Variants in LARP4B observed in about 807,000 individuals in gnomAD.
The protein encoded by LARP4B is La ribonucleoprotein 4B.
LARP4B carries 12 observed loss-of-function variants against 89.8 expected under a neutral mutation model. The observed-to-expected ratio is 0.13, with a 90% CI of 0.09 to 0.22. The LOEUF is 0.22. Ranked by LOEUF, LARP4B falls within the 10% of genes least tolerant of loss-of-function variation. The probability of loss-of-function intolerance (pLI) is 1.00; values close to 1 mark genes in which losing one functional copy is unlikely to be tolerated. For missense variants in LARP4B, 757 were observed against 947.7 expected, an observed-to-expected ratio of 0.80 and a Z score of 2.64; for synonymous variants, 367 against 363.3, an observed-to-expected ratio of 1.01 and a Z score of -0.12.
At chr10:882,614 C>G (rs1474934460) in intron 3 of LARP4B, among the ~76,000 whole-genome samples, 1 of 152,162 alleles carries the variant, frequency 6.6e-6, no homozygotes, top group Non-Finnish European at 1.5e-5. Context: ...GTCTCGATCT[C>G]AGGGAAACCA....
chr10:986,393 C>T, the LARP4B span: 1 of 152,210 alleles, frequency 6.6e-6, no homozygotes, highest in African/African-American at 2.4e-5. Context: ...TTGCGACACT[C>T]CTCAGAAAAG....
At chr10:809,320 G>C (rs1467827923), downstream of LARP4B, 1 of 152,184 alleles carries the variant, frequency 6.6e-6, no homozygotes, top group African/African-American at 2.4e-5. Flanking sequence ...GGCTGTCTCC[G>C]CATGAGCATC....
intron 1 of LARP4B, among the ~76,000 whole-genome samples, chr10:909,952 T>C (rs1212210455): frequency 6.6e-6 from 1 of 152,030 alleles, no homozygotes; most frequent in East Asian, 1.9e-4. Context: ...CAATAGACAA[T>C]GTGACTGAGA....
At position 885,763 on chromosome 10, in the gene LARP4B, G is replaced by A. The variant is rs1721824308; in HGVS notation, c.-39-3C>T. On this transcript the variant is annotated splice_polypyrimidine_tract_variant and splice_region_variant and intron_variant, in intron 1 of 17. Coordinates refer to ENST00000316157, the MANE Select transcript of LARP4B (RefSeq NM_015155.3). ...AGTGTAATGCTAACCTCAGGATGCT[G>A]TAAAATGGCAAAGACATTAAACAGG... The A allele has an allele frequency of 2.7e-6, 4 of 1,489,488 alleles. No individual in the cohort carries two copies. Among genetic ancestry groups the A allele is most frequent in the African/African-American group, 2.8e-5 (2 of 72,178 alleles). 92.3% of individuals were successfully genotyped at this position (1,489,488 alleles called of 1,614,324 possible). A position where few individuals can be genotyped will look rare whatever the true frequency, so the allele number is the denominator to read the frequency against.
chr10:885,327 G>C (rs763299617), intron 2 of LARP4B, among the ~76,000 whole-genome samples: 1 of 151,708 alleles, frequency 6.6e-6, no homozygotes, highest in African/African-American at 2.4e-5. Flanking sequence ...ATCTGCATTA[G>C]ACTTCGCAAA....
chr10:979,865 G>A, the LARP4B span, among the ~76,000 whole-genome samples: 1 of 152,164 alleles, frequency 6.6e-6, no homozygotes, highest in African/African-American at 2.4e-5. Flanking sequence ...CAGCTACTCG[G>A]GAGGCTGAGG....
intron 1 of LARP4B, among the ~76,000 whole-genome samples, chr10:903,803 A>G (rs1836409171): frequency 6.6e-6 from 1 of 152,186 alleles, no homozygotes; most frequent in Admixed American, 6.5e-5. Context: ...TAATACTCAA[A>G]GAGTAAGATG....
intron 1 of LARP4B, among the ~76,000 whole-genome samples, chr10:893,632 TC>T (rs1303917378): frequency 6.6e-6 from 1 of 152,222 alleles, no homozygotes; most frequent in East Asian, 1.9e-4. Flanking sequence ...GCCTTATTCA[TC>T]TACGCTTTTC....
In LARP4B at chr10:814,815, T is replaced by A; in HGVS notation, c.1856A>T (p.His619Leu). The A allele has an allele frequency of 6.3e-7, 1 of 1,599,346 alleles. No homozygotes were observed. Among genetic ancestry groups the A allele is most frequent in the Non-Finnish European group, 8.6e-7 (1 of 1,168,668 alleles). Residue 619 changes from histidine to leucine, a missense_variant, in exon 17 of 18, where the codon CAC (histidine) becomes CTC (leucine). This residue lies in a region of LARP4B where 387 missense variants were observed against 423.6 expected (regional missense o/e 0.91). Coordinates refer to ENST00000316157, the MANE Select transcript of LARP4B (RefSeq NM_015155.3). The surrounding 1 kb of genome is among the most constrained non-coding windows in gnomAD (Gnocchi z 4.4). ...GGCGGAAGGAAGTCTGTCCACACTG[T>A]GGGTTTCCCTCTGTTTCTCCGCCAC... ...PKVAEKQRET[H>L]SVDRLPSALT... is the part of the protein sequence containing the mutation.
At chr10:885,589 C>T (rs1225011511) in intron 2 of LARP4B, 52 bp downstream of exon 2, 1 of 1,386,212 alleles carries the variant, frequency 7.2e-7, no homozygotes, top group South Asian at 1.2e-5. Context: ...ATATAGAGTC[C>T]TTTATCAAAA....
At chr10:838,898 G>T (rs1833371836) in intron 7 of LARP4B, among the ~76,000 whole-genome samples, 1 of 152,156 alleles carries the variant, frequency 6.6e-6, no homozygotes, top group African/African-American at 2.4e-5. Flanking sequence ...AGCAAACTGT[G>T]GGACATCCAG....
chr10:838,490 G>C (rs1022749079), intron 7 of LARP4B, among the ~76,000 whole-genome samples: 2 of 152,148 alleles, frequency 1.3e-5, no homozygotes, highest in African/African-American at 4.8e-5. Flanking sequence ...GATTTACAGA[G>C]GGCGAATCTA....
upstream of LARP4B, among the ~76,000 whole-genome samples, chr10:935,549 A>G (rs963329540): frequency 6.6e-6 from 1 of 152,126 alleles, no homozygotes; most frequent in Non-Finnish European, 1.5e-5. Context: ...TTCAGCTGAC[A>G]CTACTGTCAT....
chr10:819,239 A>C (rs184454035), intron 14 of LARP4B: 1 of 152,362 alleles, frequency 6.6e-6, no homozygotes, highest in East Asian at 1.9e-4. Context: ...TATTAGAGAG[A>C]CAGCCTTCCC....
chr10:967,074 C>T, the LARP4B span, among the ~76,000 whole-genome samples: 1 of 152,194 alleles, frequency 6.6e-6, no homozygotes, highest in Admixed American at 6.5e-5. Flanking sequence ...ATGAGGCCTC[C>T]CCCGGGATCA....
the LARP4B span, among the ~76,000 whole-genome samples, chr10:944,324 A>G: frequency 6.6e-6 from 1 of 152,202 alleles, no homozygotes; most frequent in Non-Finnish European, 1.5e-5. Flanking sequence ...GAAGGTAGTT[A>G]GTTGGTTTTC....
Position 845,003 on chromosome 10 carries a change from T to C in LARP4B, c.483A>G (p.Lys161=). The C allele has an allele frequency of 6.2e-7, 1 of 1,611,948 alleles. No individual in the cohort carries two copies. Among genetic ancestry groups the C allele is most frequent in the Non-Finnish European group, 8.5e-7 (1 of 1,179,682 alleles). The change falls in exon 6 of 18, where the codon AAA becomes AAG. Residue 161 remains lysine (K), a synonymous_variant. Coordinates refer to ENST00000316157, the MANE Select transcript of LARP4B (RefSeq NM_015155.3). ...TAGATAAGCAGAATTCCAATGTTTTTTTAAGTACTTCTCGGGGGTCTTCCT... is the reference window on the plus strand; with the variant it reads ...TAGATAAGCAGAATTCCAATGTTTTCTTAAGTACTTCTCGGGGGTCTTCCT... ...DSQEDPREVL[K]KTLEFCLSRE...
the LARP4B span, chr10:987,469 T>A: frequency 8.9e-4 from 136 of 152,346 alleles, no homozygotes; most frequent in African/African-American, 3.1e-3. Flanking sequence ...CTGCCTGGGT[T>A]CAAAGCCCAC....
intron 1 of LARP4B, among the ~76,000 whole-genome samples, chr10:905,527 T>TC (rs1836465048): frequency 6.6e-6 from 1 of 152,190 alleles, no homozygotes; most frequent in Non-Finnish European, 1.5e-5. Flanking sequence ...TCTTCATTAG[T>TC]CCCTCCATGC....
Sources: gnomAD v4.1 joint callset for allele counts (sites outside exome capture counted in the v4.1 genomes callset) on GRCh38, gnomAD v4.1.1 for gene constraint, gnomAD v4.1.1 regional missense constraint, Gnocchi (gnomAD v3.1) non-coding constraint, MANE v1.5 for transcripts, NCBI Gene and HGNC (gene_info 2026-07-23, HGNC 2026-07-21) for gene names.